The following PTPRS variants were observed in gnomAD, a reference collection of about 807,000 sequenced individuals.
PTPRS encodes receptor-type tyrosine-protein phosphatase S.
Under a neutral mutation model 215.3 loss-of-function variants are expected in PTPRS, and 63 were observed. The ratio of observed to expected loss-of-function variants is 0.29; its 90% CI spans 0.24 to 0.36. PTPRS has a LOEUF of 0.36. Among genes scored for constraint, PTPRS ranks in the 10% least tolerant of loss-of-function variants. PTPRS has a pLI of 1.00. For synonymous variants in PTPRS, 1,404 were observed against 1,191.4 expected (o/e 1.18, Z -3.68); for missense variants, 2,258 against 2,825.8 (o/e 0.80, Z 4.56).
chr19:5,262,959 C>CT lies in PTPRS; in HGVS notation c.577+4dup. The CT allele has an allele frequency of 6.3e-7, 1 of 1,580,536 alleles. No individual in the cohort carries two copies. The highest frequency in any genetic ancestry group is 1.1e-5 in the South Asian group (1 of 87,002). ...TTGTTGACGTGGTGATGAAATCAGA[C>CT]TTACCAAAGGTTTCTGAACGTTTAC... is the stretch of plus-strand genomic sequence containing the variant. On this transcript the variant is annotated splice_donor_region_variant and intron_variant, in intron 6 of 37. Transcript: ENST00000262963.
intron 1 of PTPRS, among the ~76,000 whole-genome samples, chr19:5,320,102 G>A (rs951852941): frequency 2.0e-5 from 3 of 152,188 alleles, no homozygotes; most frequent in Non-Finnish European, 4.4e-5. Context: ...CAGCCGCTGA[G>A]ACCCCGGAGG....
chr19:5,289,612 AGCC>A (rs2048645294), intron 1 of PTPRS, among the ~76,000 whole-genome samples: 1 of 151,730 alleles, frequency 6.6e-6, no homozygotes, highest in Non-Finnish European at 1.5e-5. Flanking sequence ...CCTCTGCTCC[AGCC>A]GCATGGGCCT....
At chr19:5,208,451 C>A in intron 35 of PTPRS, 60 bp from the exon 36 acceptor site, 1 of 1,393,060 alleles carries the variant, frequency 7.2e-7, no homozygotes, top group Non-Finnish European at 9.6e-7. Context: ...GGGTTTTTCT[C>A]CATCCTCCCT....
At chr19:5,265,313 C>T in intron 4 of PTPRS, 117 bp from the exon 5 acceptor site, 1 of 923,496 alleles carries the variant, frequency 1.1e-6, no homozygotes, top group South Asian at 1.7e-5. Context: ...GCTGCGTGAC[C>T]TCAGCCATGG....
In PTPRS at chr19:5,339,224, A is replaced by G. The variant is rs2050606320; in HGVS notation, c.-95+1440T>C. Reference sequence around the variant, plus strand: ...GGACAGGGGAATCCCAGCTGAGCCCAGAAGGGGGAGGCAAGGCACCCCCAA... The same window carrying G: ...GGACAGGGGAATCCCAGCTGAGCCCGGAAGGGGGAGGCAAGGCACCCCCAA... On this transcript the variant is annotated intron_variant, in intron 1 of 37. Coordinates refer to ENST00000262963, the MANE Select transcript of PTPRS (RefSeq NM_002850.4). This position sits in a 1 kb window ranked among gnomAD's most constrained non-coding sequence, Gnocchi z 4.2. Among the ~76,000 whole-genome samples the G allele has an allele frequency of 2.0e-5, 3 of 152,070 alleles. No individual in the cohort carries two copies.
intron 6 of PTPRS, among the ~76,000 whole-genome samples, chr19:5,261,620 T>C (rs1248932590): frequency 2.0e-5 from 3 of 152,142 alleles, no homozygotes; most frequent in Non-Finnish European, 4.4e-5. Context: ...AAGACCTCGA[T>C]CTGCCAGGAG....
intron 2 of PTPRS, among the ~76,000 whole-genome samples, chr19:5,277,383 C>T (rs979361615): frequency 6.6e-6 from 1 of 151,918 alleles, no homozygotes; most frequent in African/African-American, 2.4e-5. Context: ...AAGCCGGGTG[C>T]GGTGGCTCAT....
chr19:5,277,062 T>G (rs903535017), intron 2 of PTPRS, among the ~76,000 whole-genome samples: 7 of 150,710 alleles, frequency 4.6e-5, no homozygotes, highest in African/African-American at 1.2e-4. Context: ...TTTGTGTTTT[T>G]TTTTTTTTTT....
chr19:5,222,383 C>CCCTGT (rs886131798), intron 18 of PTPRS, among the ~76,000 whole-genome samples, 163 bp from the exon 19 acceptor site: 90 of 151,834 alleles, frequency 5.9e-4, no homozygotes, highest in Non-Finnish European at 7.8e-4. Flanking sequence ...CCCGGCCCTG[C>CCCTGT]CCTGTCCTGT....
chr19:5,328,126 T>C (rs1363874630), intron 1 of PTPRS, among the ~76,000 whole-genome samples: 2 of 152,124 alleles, frequency 1.3e-5, no homozygotes, highest in African/African-American at 4.8e-5. Flanking sequence ...TTTTTTTTGT[T>C]TTTGTTTTGA....
chr19:5,283,728 G>A (rs529287144), intron 2 of PTPRS, among the ~76,000 whole-genome samples: 1 of 152,296 alleles, frequency 6.6e-6, no homozygotes, highest in African/African-American at 2.4e-5. Context: ...GTCCCTGAGG[G>A]AGTGTGGTCA....
At position 5,208,229 on chromosome 19, in the gene PTPRS, G is replaced by A; in HGVS notation, c.5642+8C>T. 6.3e-7 allele frequency: 1 copy of A among 1,585,612 alleles called. No homozygotes were observed. Among genetic ancestry groups the A allele is most frequent in the South Asian group, 1.2e-5 (1 of 86,766 alleles). ...GGGCCAAAAGCTGGGACACTCGAGG[G>A]AGCTCACCTGCAGTGGACAGAGATG... On this transcript the variant is annotated splice_region_variant and intron_variant, in intron 36 of 37. Coordinates refer to ENST00000262963, the MANE Select transcript of PTPRS (RefSeq NM_002850.4).
At chr19:5,212,799 C>G (rs1212138070) in intron 30 of PTPRS, among the ~76,000 whole-genome samples, 1 of 151,558 alleles carries the variant, frequency 6.6e-6, no homozygotes, top group Admixed American at 6.6e-5. Context: ...GCTGAGATGG[C>G]GCCACTGTAC....
In PTPRS at chr19:5,245,855, G is replaced by C. The variant is rs1205137827; in HGVS notation, c.909C>G (p.Val303=). 6 of 1,613,792 alleles carry C rather than the reference G, an allele frequency of 3.7e-6. No individual in the cohort carries two copies. The Admixed American group carries it at 1.0e-4, about 27-fold the overall frequency. Residue 303 remains valine (V), a synonymous_variant, in exon 10 of 38, where the codon GTC becomes GTG. Transcript: ENST00000262963. ...VGRNVLELTD[V]KDSANYTCVA... is the part of the protein sequence containing the mutation. ...CGCAGGTGTAGTTGGCCGAGTCCTTGACATCTGTGAGTTCCAGCACGTTCC... is the reference window on the plus strand; with the variant it reads ...CGCAGGTGTAGTTGGCCGAGTCCTTCACATCTGTGAGTTCCAGCACGTTCC...
At chr19:5,333,322 A>T (rs1369268895) in intron 1 of PTPRS, among the ~76,000 whole-genome samples, 4 of 143,576 alleles carry the variant, frequency 2.8e-5, no homozygotes, top group East Asian at 2.0e-4. Context: ...AAAAATAAAT[A>T]AATAATAATA....
chr19:5,314,511 T>C (rs1004484297), intron 1 of PTPRS, among the ~76,000 whole-genome samples: 1 of 152,190 alleles, frequency 6.6e-6, no homozygotes, highest in Non-Finnish European at 1.5e-5. Flanking sequence ...TAATGTCAGT[T>C]TGATGTGGGT....
Position 5,256,094 on chromosome 19 carries a change from A to G in PTPRS, c.718+14T>C. ...TGTGGGTAAAGAAAGTAAAAAAGAA[A>G]AAAACACACCAACCTTCTCGAAGCT... On this transcript the variant is annotated intron_variant, in intron 9 of 37. Coordinates refer to ENST00000262963, the MANE Select transcript of PTPRS (RefSeq NM_002850.4). The G allele has an allele frequency of 6.6e-7, 1 of 1,517,938 alleles. No homozygotes were observed. The allele number at this position is 1,517,938 out of a possible 1,614,324, so 94.0% of individuals were successfully genotyped here.
chr19:5,321,545 A>T (rs570130710), intron 1 of PTPRS, among the ~76,000 whole-genome samples: 23 of 152,316 alleles, frequency 1.5e-4, no homozygotes, highest in Non-Finnish European at 2.6e-4. Flanking sequence ...CATTTTGTAG[A>T]GGCCTCAGTG....
chr19:5,214,504 G>T (rs1489172522), intron 29 of PTPRS, 24 bp from the exon 30 acceptor site: 1 of 1,613,766 alleles, frequency 6.2e-7, no homozygotes, highest in Non-Finnish European at 8.5e-7. Context: ...GAGAACAGGT[G>T]TCAGCAGGGA....
Sources: gnomAD v4.1 joint callset for allele counts (sites outside exome capture counted in the v4.1 genomes callset) on GRCh38, gnomAD v4.1.1 for gene constraint, Gnocchi (gnomAD v3.1) non-coding constraint, MANE v1.5 for transcripts, NCBI Gene and HGNC (gene_info 2026-07-23, HGNC 2026-07-21) for gene names.